USP28: variants seen among roughly 807,000 people sequenced by gnomAD.
USP28 encodes the protein ubiquitin specific peptidase 28.
A neutral mutation model predicts 145.0 loss-of-function variants in USP28; 113 were observed. The observed-to-expected ratio is 0.78, with a 90% confidence interval of 0.67 to 0.91. The LOEUF (loss-of-function observed/expected upper bound fraction) is 0.91, where lower values mean the gene tolerates loss of function less well. Ranked by LOEUF, USP28 falls within the 40% of genes least tolerant of loss-of-function variation. USP28 has a pLI of 0.00. For synonymous variants in USP28, 447 were observed against 450.9 expected, an observed-to-expected ratio of 0.99 and a Z score of 0.11; for missense variants, 1,201 against 1,289.6, an observed-to-expected ratio of 0.93 and a Z score of 1.05.
rs574761086 is a variant in USP28, at chr11:113,824,522, T to C, written c.1188-822A>G. The stretch of plus-strand genomic sequence containing the variant: ...TTAGTAGAGATGGGGTTTCACCAGG[T>C]TGGTCAGGCTGGTCTCAAACTCCCT... On this transcript the variant is annotated intron_variant, in intron 11 of 24. Transcript: ENST00000003302. 9.9e-5 allele frequency among the ~76,000 whole-genome samples: 15 copies of C among 151,698 alleles called. No homozygotes were observed. In the South Asian group the frequency reaches 2.9e-3, roughly 30 times the overall value.
intron 18 of USP28, 134 bp from the exon 20 acceptor site, chr11:113,806,718 G>T (rs1322110390): frequency 8.9e-6 from 5 of 564,816 alleles, no homozygotes; most frequent in African/African-American, 3.9e-5. Flanking sequence ...TGTATTGCAA[G>T]CTGAGTTTCA....
chr11:113,815,766 T>C (rs952897735), intron 13 of USP28, among the ~76,000 whole-genome samples: 1 of 152,160 alleles, frequency 6.6e-6, no homozygotes, highest in African/African-American at 2.4e-5. Flanking sequence ...AAGAGAAGAC[T>C]AGGCCTGGAA....
chr11:113,838,213 G>C lies in USP28; in HGVS notation c.534+2385C>G, dbSNP rs573875784. 2.6e-4 allele frequency among the ~76,000 whole-genome samples: 40 copies of C among 151,780 alleles called. No individual in the cohort carries two copies. In the South Asian group the frequency reaches 7.7e-3, roughly 29 times the overall value. Reference sequence around the variant, plus strand: ...TCCACAGGAGTGAAGGCTAATGGTGGGGGGGCGGTGGTTGTGAATCCAAGG... The same window carrying C: ...TCCACAGGAGTGAAGGCTAATGGTGCGGGGGCGGTGGTTGTGAATCCAAGG... On this transcript the variant is annotated intron_variant, in intron 5 of 24. Coordinates refer to ENST00000003302, the Ensembl canonical transcript of USP28.
intron 18 of USP28, among the ~76,000 whole-genome samples, chr11:113,807,130 T>C (rs1442904072): frequency 6.6e-6 from 1 of 151,928 alleles, no homozygotes; most frequent in Non-Finnish European, 1.5e-5. Flanking sequence ...TGGAGTGCAA[T>C]GGCGTGATCT....
chr11:113,843,712 A>G (rs1349643921), intron 3 of USP28, among the ~76,000 whole-genome samples: 2 of 151,772 alleles, frequency 1.3e-5, no homozygotes, highest in African/African-American at 4.8e-5. Context: ...TTTTTTTAAT[A>G]AAATAAAACA....
chr11:113,824,387 G>A (rs998132313), intron 11 of USP28, among the ~76,000 whole-genome samples: 15 of 151,872 alleles, frequency 9.9e-5, no homozygotes, highest in African/African-American at 3.1e-4. Context: ...GCGCAATCTC[G>A]GCTCACTGTG....
chr11:113,834,508 C>T (rs1944351031), intron 5 of USP28, among the ~76,000 whole-genome samples, 173 bp from the exon 6 acceptor site: 1 of 152,132 alleles, frequency 6.6e-6, no homozygotes, highest in Non-Finnish European at 1.5e-5. Context: ...AAAAAATTAG[C>T]TCAAAGAATA....
exon 13 of USP28, chr11:113,817,737 G>C (rs1286674465): frequency 6.2e-7 from 1 of 1,614,216 alleles, no homozygotes; most frequent in Non-Finnish European, 8.5e-7. Flanking sequence ...CTTTCAGGTG[G>C]ACAGCTTTCT....
intron 9 of USP28, among the ~76,000 whole-genome samples, chr11:113,829,824 C>CA (rs5794883): frequency 0.15 from 15,753 of 104,518 alleles, 1,200 homozygotes; most frequent in Middle Eastern, 0.21. Flanking sequence ...GGACTTGTCT[C>CA]AAAAAAAAAA....
chr11:113,838,904 A>T (rs1301874232), intron 5 of USP28, among the ~76,000 whole-genome samples: 1 of 152,194 alleles, frequency 6.6e-6, no homozygotes, highest in Non-Finnish European at 1.5e-5. Context: ...TTTTGGCTTG[A>T]GCAGCTGGGT....
rs201329893 is a variant in USP28, at chr11:113,821,355, A to T, written c.1283+2250T>A. 1.8e-4 allele frequency: 42 copies of T among 228,774 alleles called. No individual in the cohort carries two copies. The East Asian group carries it at 4.5e-3, about 24-fold the overall frequency. 14.2% of individuals were successfully genotyped at this position (228,774 alleles called of 1,614,324 possible). A position where few individuals can be genotyped will look rare whatever the true frequency, so the allele number is the denominator to read the frequency against. ...ATGCCCCTTGGGTCCTGTGTCCAGC[A>T]TCTCACAGCCAATTGCCACTATTCT... On this transcript the variant is annotated intron_variant, in intron 12 of 24. Transcript: ENST00000003302.
At chr11:113,862,283 G>A (rs1565497795) in intron 1 of USP28, among the ~76,000 whole-genome samples, 1 of 152,192 alleles carries the variant, frequency 6.6e-6, no homozygotes, top group Non-Finnish European at 1.5e-5. Flanking sequence ...GGAGGCGGAG[G>A]TTGCAGTGAG....
intron 1 of USP28, among the ~76,000 whole-genome samples, chr11:113,854,577 T>G (rs552429795): frequency 6.6e-6 from 1 of 152,298 alleles, no homozygotes; most frequent in South Asian, 2.1e-4. Context: ...AAGTTTTGTA[T>G]TTTTAGTAGT....
At chr11:113,817,102 C>T (rs1226040845) in intron 13 of USP28, among the ~76,000 whole-genome samples, 1 of 152,156 alleles carries the variant, frequency 6.6e-6, no homozygotes, top group African/African-American at 2.4e-5. Flanking sequence ...TTTCATGGCT[C>T]CTCTAGGCAA....
intron 18 of USP28, 150 bp from the exon 20 acceptor site, chr11:113,806,734 C>T: frequency 1.9e-6 from 1 of 537,126 alleles, no homozygotes; most frequent in South Asian, 2.9e-5. Context: ...TTTCACACAC[C>T]CATTCCTATG....
At chr11:113,824,666 C>T (rs1187220554) in intron 11 of USP28, among the ~76,000 whole-genome samples, 2 of 151,488 alleles carry the variant, frequency 1.3e-5, no homozygotes, top group Non-Finnish European at 2.9e-5. Flanking sequence ...GGCGGTGGCT[C>T]ACGCCTGTAA....
intron 3 of USP28, among the ~76,000 whole-genome samples, chr11:113,847,481 TAAAG>T (rs960826816): frequency 9.2e-5 from 14 of 151,972 alleles, no homozygotes; most frequent in African/African-American, 2.4e-4. Flanking sequence ...GATTTATAAA[TAAAG>T]AGAGTCTTAA....
intron 9 of USP28, among the ~76,000 whole-genome samples, chr11:113,829,771 G>C (rs1943776540): frequency 6.9e-6 from 1 of 144,556 alleles, no homozygotes; most frequent in African/African-American, 2.6e-5. Context: ...GTTACAGTAA[G>C]CTATGATGTT....
chr11:113,824,411 G>A (rs1284860358), intron 11 of USP28, among the ~76,000 whole-genome samples: 8 of 151,782 alleles, frequency 5.3e-5, no homozygotes, highest in Non-Finnish European at 1.0e-4. Flanking sequence ...TCCGCCTCCC[G>A]GGTTCAAGCA....
Sources: gnomAD v4.1 joint callset for allele counts (sites outside exome capture counted in the v4.1 genomes callset) on GRCh38, gnomAD v4.1.1 for gene constraint, MANE v1.5 for transcripts, NCBI Gene and HGNC (gene_info 2026-07-23, HGNC 2026-07-21) for gene names.